ACSM3: variants seen among roughly 807,000 people sequenced by gnomAD.
The protein encoded by ACSM3 is acyl-coenzyme A synthetase ACSM3, mitochondrial.
ACSM3 carries 61 observed loss-of-function variants against 74.1 expected under a neutral mutation model. That is an observed-to-expected ratio of 0.82 (90% CI 0.67 to 1.02). ACSM3 has a LOEUF of 1.02. Ranked by LOEUF, ACSM3 falls within the 50% of genes least tolerant of loss-of-function variation. The pLI, the probability that ACSM3 is intolerant of heterozygous loss-of-function variation, is 0.00. For missense variants in ACSM3, 660 were observed against 697.0 expected, an observed-to-expected ratio of 0.95 and a Z score of 0.60; for synonymous variants, 213 against 241.5, an observed-to-expected ratio of 0.88 and a Z score of 1.09.
chr16:20,736,799 T>C, intron 1 of ACSM3: 2 of 1,421,970 alleles, frequency 1.4e-6, no homozygotes, highest in Non-Finnish European at 1.9e-6. Flanking sequence ...AAACTGTTTT[T>C]AGTCACAATT....
upstream of ACSM3, among the ~76,000 whole-genome samples, chr16:20,762,832 CTGAA>C (rs1390193047): frequency 3.3e-5 from 5 of 152,206 alleles, no homozygotes; most frequent in African/African-American, 1.2e-4. Flanking sequence ...CCATGAAAGA[CTGAA>C]TGTTTTCCCT....
intron 12 of ACSM3, among the ~76,000 whole-genome samples, chr16:20,793,967 C>T (rs1479002194): frequency 6.6e-6 from 1 of 152,176 alleles, no homozygotes; most frequent in Non-Finnish European, 1.5e-5. Context: ...TTGTGGTCCC[C>T]TCACAGCTCC....
At chr16:20,748,780 A>C (rs1228332623) in intron 1 of ACSM3, among the ~76,000 whole-genome samples, 14 of 152,158 alleles carry the variant, frequency 9.2e-5, no homozygotes, top group African/African-American at 3.4e-4. Context: ...GGCTGGAGGC[A>C]GTGGCTCACA....
At chr16:20,747,602 T>G (rs886467637) in intron 1 of ACSM3, among the ~76,000 whole-genome samples, 4 of 152,198 alleles carry the variant, frequency 2.6e-5, no homozygotes, top group Admixed American at 2.6e-4. Flanking sequence ...CTGCAACAGT[T>G]TTATTATTTA....
chr16:20,755,742 A>G (rs2080024477), intron 3 of ACSM3: 3 of 142,782 alleles, frequency 2.1e-5, no homozygotes, highest in Admixed American at 7.1e-5. Flanking sequence ...CCATTAACTC[A>G]TCATTTAGCA....
At position 20,739,156 on chromosome 16, in the gene ACSM3, C is replaced by T. The variant is rs906818057; in HGVS notation, c.-189-10754C>T. The stretch of plus-strand genomic sequence containing the variant: ...GTAATTATTTATGTGAAGTCCCTGG[C>T]GGCAGGTGGCTCAGTATTGATTTTT... On this transcript the variant is annotated intron_variant, in intron 1 of 3. Coordinates refer to the ACSM3 transcript ENST00000561584. The T allele has an allele frequency of 6.6e-5, 90 of 1,353,432 alleles. No homozygotes were observed. In the African/African-American group the frequency reaches 7.4e-4, roughly 11 times the overall value. The allele number at this position is 1,353,432 out of a possible 1,614,324, so 83.8% of individuals were successfully genotyped here.
intron 1 of ACSM3, chr16:20,681,198 C>G (rs1026746700): frequency 1.3e-5 from 2 of 152,150 alleles, no homozygotes; most frequent in Non-Finnish European, 2.9e-5. Flanking sequence ...AATGAAACAT[C>G]AAGGGCACTA....
Position 20,718,335 on chromosome 16 carries a change from A to G in ACSM3, c.-189-31575A>G, listed in dbSNP as rs1464817778. ...ATCTTACACCACCATCTTGGGGTCC[A>G]TCCATATTTTGCAGATCCGCCTCTG... On this transcript the variant is annotated intron_variant, in intron 1 of 3. Coordinates refer to the ACSM3 transcript ENST00000561584. 7 of 840,652 alleles carry G rather than the reference A, an allele frequency of 8.3e-6. No individual in the cohort carries two copies. The East Asian group carries it at 2.7e-4, about 32-fold the overall frequency. 52.1% of individuals were successfully genotyped at this position (840,652 alleles called of 1,614,324 possible).
rs997845979 is a variant in ACSM3 at position 20,784,901 on chromosome 16, T to C, written c.1020-83T>C. The C allele has an allele frequency of 2.4e-5, 35 of 1,467,168 alleles. No homozygotes were observed. The Admixed American group carries it at 3.9e-4, about 17-fold the overall frequency. 90.9% of individuals were successfully genotyped at this position (1,467,168 alleles called of 1,614,324 possible). A position where few individuals can be genotyped will look rare whatever the true frequency, so the allele number is the denominator to read the frequency against. Reference sequence around the variant, plus strand: ...TAAAAAGCGACTAAAACATTTTATATTGAAGTTCATAAGAAATAATCCTTA... The same window carrying C: ...TAAAAAGCGACTAAAACATTTTATACTGAAGTTCATAAGAAATAATCCTTA... On this transcript the variant is annotated intron_variant, in intron 7 of 13. Transcript: ENST00000289416.
At chr16:20,737,063 G>A in intron 1 of ACSM3, 1 of 1,614,074 alleles carries the variant, frequency 6.2e-7, no homozygotes, top group Non-Finnish European at 8.5e-7. Context: ...GGTCTGATTT[G>A]TCCGCAGATT....
chr16:20,709,638 G>C (rs1392513208), intron 1 of ACSM3, among the ~76,000 whole-genome samples: 1 of 152,160 alleles, frequency 6.6e-6, no homozygotes, highest in Non-Finnish European at 1.5e-5. Context: ...TTTTTACATT[G>C]AATGAATACT....
chr16:20,793,352 CCTG>C (rs2080645419), intron 12 of ACSM3, among the ~76,000 whole-genome samples: 1 of 152,086 alleles, frequency 6.6e-6, no homozygotes, highest in Non-Finnish European at 1.5e-5. Context: ...GCCTGTAATC[CCTG>C]CTACTTGGGA....
At position 20,755,016 on chromosome 16, in the gene ACSM3, G is replaced by A. The variant is rs182018844; in HGVS notation, c.-95-557G>A. On this transcript the variant is annotated intron_variant, in intron 2 of 3. Coordinates refer to the ACSM3 transcript ENST00000561584. ...GTGAGAGAAGGCCAAGCAGGGAACA[G>A]GCCAGTGTCCATAGAGACCATGTCG... Among the ~76,000 whole-genome samples the A allele has an allele frequency of 3.8e-3, 582 of 152,210 alleles. 2 individuals are homozygous for A. Among genetic ancestry groups the A allele is most frequent in the African/African-American group, 0.014 (564 of 41,530 alleles).
chr16:20,680,119 G>A (rs2079408442), intron 1 of ACSM3: 1 of 152,326 alleles, frequency 6.6e-6, no homozygotes, highest in Middle Eastern at 3.4e-3. Flanking sequence ...ATTCAGGAAG[G>A]AGTGCTCTGC....
intron 1 of ACSM3, among the ~76,000 whole-genome samples, chr16:20,676,323 G>C (rs114951723): frequency 8.1e-4 from 124 of 152,300 alleles, no homozygotes; most frequent in African/African-American, 2.9e-3. Context: ...AAGGCTAAAG[G>C]CTGGTAAAAG....
At chr16:20,735,614 T>TCA (rs772163541) in intron 1 of ACSM3, 2 of 152,028 alleles carry the variant, frequency 1.3e-5, no homozygotes, top group Non-Finnish European at 2.9e-5. Flanking sequence ...GACCTCTGGT[T>TCA]ATCAGATATG....
intron 1 of ACSM3, among the ~76,000 whole-genome samples, chr16:20,729,926 G>T (rs2079820601): frequency 6.6e-6 from 1 of 152,168 alleles, no homozygotes; most frequent in Non-Finnish European, 1.5e-5. Context: ...CATTTGAGCA[G>T]GTTCTTCCTA....
At chr16:20,741,897 C>T (rs920761337) in intron 1 of ACSM3, 8 of 1,534,688 alleles carry the variant, frequency 5.2e-6, no homozygotes, top group East Asian at 2.4e-5. Context: ...TAAGGCCGGT[C>T]TGCAATCGTG....
intron 1 of ACSM3, among the ~76,000 whole-genome samples, chr16:20,715,523 G>C (rs1331220062): frequency 1.3e-5 from 2 of 152,060 alleles, no homozygotes; most frequent in Non-Finnish European, 2.9e-5. Flanking sequence ...AGGATCAGTT[G>C]AACCTGGGAT....
Sources: allele counts gnomAD v4.1 joint callset (sites outside exome capture counted in the v4.1 genomes callset), GRCh38; gene constraint gnomAD v4.1.1; transcripts MANE v1.5; gene names NCBI Gene and HGNC (gene_info 2026-07-23, HGNC 2026-07-21).